The following DGKI variants were observed in gnomAD, a reference collection of about 807,000 sequenced individuals.
DGKI encodes the protein DAG kinase iota.
A neutral mutation model predicts 147.5 loss-of-function variants in DGKI; 55 were observed. That is an observed-to-expected ratio of 0.37 (90% CI 0.30 to 0.47). DGKI has a LOEUF of 0.47. Among genes scored for constraint, DGKI ranks in the 20% least tolerant of loss-of-function variants. The pLI is 1.00. For missense variants in DGKI, 1,007 were observed against 1,323.8 expected (o/e 0.76, Z 3.71); for synonymous variants, 469 against 477.1 (o/e 0.98, Z 0.22).
chr7:137,656,153 A>G (rs897171581), intron 4 of DGKI, among the ~76,000 whole-genome samples: 4 of 152,364 alleles, frequency 2.6e-5, no homozygotes, highest in African/African-American at 9.6e-5. Context: ...GGAACAGCCT[A>G]TGGGTGGATA....
intron 28 of DGKI, among the ~76,000 whole-genome samples, chr7:137,418,543 T>C (rs1003224944): frequency 6.6e-6 from 1 of 152,232 alleles, no homozygotes; most frequent in Non-Finnish European, 1.5e-5. Context: ...TTTGTGATTC[T>C]CAATAAAGCA....
chr7:137,532,715 TCCCG>T (rs1299198943), intron 20 of DGKI, among the ~76,000 whole-genome samples: 1 of 152,156 alleles, frequency 6.6e-6, no homozygotes, highest in Non-Finnish European at 1.5e-5. Flanking sequence ...AACCTGACCC[TCCCG>T]CTTTCCCAAT....
intron 21 of DGKI, among the ~76,000 whole-genome samples, chr7:137,508,219 C>CTTTTTTTTTTT (rs1171968411): frequency 2.2e-5 from 2 of 92,534 alleles, no homozygotes; most frequent in African/African-American, 8.8e-5. Context: ...AGACAGGTTT[C>CTTTTTTTTTTT]TTTTTTTTTT....
intron 21 of DGKI, among the ~76,000 whole-genome samples, chr7:137,508,043 G>C (rs1816428510): frequency 6.6e-6 from 1 of 152,106 alleles, no homozygotes; most frequent in Non-Finnish European, 1.5e-5. Flanking sequence ...GTACAGAGTA[G>C]AGTAGGGTGA....
At chr7:137,667,023 A>G (rs3800621) in intron 3 of DGKI, among the ~76,000 whole-genome samples, 26,913 of 151,950 alleles carry the variant, frequency 0.18, 7,242 homozygotes, top group African/African-American at 0.59. Flanking sequence ...ATACAACCAC[A>G]GCCGGTCACT....
intron 28 of DGKI, among the ~76,000 whole-genome samples, chr7:137,431,403 G>C (rs2128911454): frequency 6.6e-6 from 1 of 152,230 alleles, no homozygotes; most frequent in African/African-American, 2.4e-5. Flanking sequence ...CAGGAGAAAA[G>C]CTGGAACCTG....
In DGKI at chr7:137,391,245, T is replaced by G. The variant is rs771542495; in HGVS notation, c.3149A>C (p.His1050Pro). ...TCAAACAGCAGTTTCCAGGTCCTCA[T>G]GGCCAATGACCTTATAGTTCTGACG... ...ESRQNYKVIGHEDLETAV is the reference protein window; with the variant it reads ...ESRQNYKVIGPEDLETAV Residue 1050 changes from histidine (H) to proline (P), a missense_variant, in exon 33 of 33, where the codon CAT (histidine) becomes CCT (proline). Physicochemically the swap from His to Pro is moderately conservative, Grantham distance 77. This residue lies in a region of DGKI where 385 missense variants were observed against 445.2 expected (regional missense o/e 0.86). Transcript: ENST00000614521. 9 of 1,613,836 alleles carry G rather than the reference T, an allele frequency of 5.6e-6. No individual in the cohort carries two copies. Among genetic ancestry groups the G allele is most frequent in the Non-Finnish European group, 7.6e-6 (9 of 1,179,930 alleles).
chr7:137,654,123 CTG>C (rs1309442810), intron 5 of DGKI, among the ~76,000 whole-genome samples: 2 of 152,204 alleles, frequency 1.3e-5, no homozygotes, highest in Non-Finnish European at 2.9e-5. Context: ...TCCTCTTTAC[CTG>C]TTTATCTTCA....
At chr7:137,626,861 T>C (rs1378088363) in intron 6 of DGKI, among the ~76,000 whole-genome samples, 1 of 152,180 alleles carries the variant, frequency 6.6e-6, no homozygotes, top group Non-Finnish European at 1.5e-5. Flanking sequence ...TGCCACCCGG[T>C]GAAATGATGC....
intron 6 of DGKI, among the ~76,000 whole-genome samples, chr7:137,625,567 A>G (rs1219557952): frequency 6.6e-6 from 1 of 152,006 alleles, no homozygotes; most frequent in Admixed American, 6.5e-5. Flanking sequence ...GGTTTCTCCA[A>G]TTGACAGCAC....
chr7:137,573,186 A>G (rs1053615343), intron 17 of DGKI, among the ~76,000 whole-genome samples: 7 of 152,178 alleles, frequency 4.6e-5, no homozygotes, highest in Admixed American at 1.3e-4. Context: ...ATTTATGAAC[A>G]CTTAAAAGAA....
At chr7:137,769,431 G>C (rs189333046) in intron 1 of DGKI, among the ~76,000 whole-genome samples, 4 of 152,240 alleles carry the variant, frequency 2.6e-5, no homozygotes, top group African/African-American at 9.6e-5. Flanking sequence ...TTAAGAATTA[G>C]TTTTATCACC....
chr7:137,399,155 GA>G (rs1811658868), intron 30 of DGKI, among the ~76,000 whole-genome samples: 2 of 152,106 alleles, frequency 1.3e-5, no homozygotes, highest in African/African-American at 4.8e-5. Context: ...CTCAAAAGAT[GA>G]CCTTTGACAG....
At chr7:137,517,321 AAGAAAGAAAGAAAGAAAGAG>A (rs1585190910) in intron 21 of DGKI, among the ~76,000 whole-genome samples, 2 of 130,252 alleles carry the variant, frequency 1.5e-5, no homozygotes, top group African/African-American at 6.7e-5. Flanking sequence ...GAAAGAAAGA[AAGAAAGAAAGAAAGAAAGAG>A]AAAGAAAGAA....
At chr7:137,468,687 A>G (rs1165508114) in intron 24 of DGKI, among the ~76,000 whole-genome samples, 1 of 152,088 alleles carries the variant, frequency 6.6e-6, no homozygotes, top group Non-Finnish European at 1.5e-5. Flanking sequence ...GCCAGTTAAA[A>G]CCCTTACATT....
At chr7:137,692,182 C>A (rs1364809362) in intron 1 of DGKI, among the ~76,000 whole-genome samples, 1 of 152,156 alleles carries the variant, frequency 6.6e-6, no homozygotes, top group Non-Finnish European at 1.5e-5. Context: ...GAAGGAACTT[C>A]TTTAGCATTT....
At chr7:137,615,036 G>A (rs982858794) in intron 8 of DGKI, among the ~76,000 whole-genome samples, 11 of 152,002 alleles carry the variant, frequency 7.2e-5, no homozygotes, top group African/African-American at 2.2e-4. Flanking sequence ...CCCCATGACC[G>A]AAAATGCTCC....
intron 1 of DGKI, among the ~76,000 whole-genome samples, chr7:137,712,584 C>A (rs1794248414): frequency 6.6e-6 from 1 of 152,182 alleles, no homozygotes; most frequent in South Asian, 2.1e-4. Context: ...CACACTACAT[C>A]TCTCCCAATA....
rs535182126 is a variant in DGKI at position 137,464,141 on chromosome 7, C to T, written c.2613-530G>A. Among the ~76,000 whole-genome samples the T allele has an allele frequency of 4.0e-5, 6 of 151,570 alleles. No homozygotes were observed. In the South Asian group the frequency reaches 1.3e-3, roughly 32 times the overall value. ...GCGTGGTGGCAGGCGCCTGTAGTCCCAGCTACCCATGAGGCTGAGGCAGGA... is the reference window on the plus strand; with the variant it reads ...GCGTGGTGGCAGGCGCCTGTAGTCCTAGCTACCCATGAGGCTGAGGCAGGA... On this transcript the variant is annotated intron_variant, in intron 26 of 32. Transcript: ENST00000614521.
Sources: gnomAD v4.1 joint callset for allele counts (sites outside exome capture counted in the v4.1 genomes callset) on GRCh38, gnomAD v4.1.1 for gene constraint, gnomAD v4.1.1 regional missense constraint, MANE v1.5 for transcripts, NCBI Gene and HGNC (gene_info 2026-07-23, HGNC 2026-07-21) for gene names.